ADAMTSL1: variants seen among roughly 807,000 people sequenced by gnomAD.
ADAMTSL1 encodes ADAMTS-like protein 1.
In ADAMTSL1, 126 loss-of-function variants were observed where a neutral mutation model predicts 201.8. That is an observed-to-expected ratio of 0.62 (90% CI 0.54 to 0.72). The LOEUF is 0.72. Among genes scored for constraint, ADAMTSL1 ranks in the 30% least tolerant of loss-of-function variants. ADAMTSL1 has a pLI of 0.00. For missense variants in ADAMTSL1, 2,679 were observed against 2,277.8 expected, an observed-to-expected ratio of 1.18 and a Z score of -3.59; for synonymous variants, 1,121 against 903.4, an observed-to-expected ratio of 1.24 and a Z score of -4.32.
chr9:17,964,529 G>A (rs1029650063), intron 1 of ADAMTSL1, among the ~76,000 whole-genome samples: 3 of 151,364 alleles, frequency 2.0e-5, no homozygotes, highest in Admixed American at 6.6e-5. Context: ...CAGTAGTGGC[G>A]AATACATGAA....
At chr9:18,272,226 C>G (rs1216057943) in intron 2 of ADAMTSL1, among the ~76,000 whole-genome samples, 1 of 152,060 alleles carries the variant, frequency 6.6e-6, no homozygotes, top group African/African-American at 2.4e-5. Context: ...GCTACAGTAA[C>G]CAAAACAGCA....
intron 2 of ADAMTSL1, among the ~76,000 whole-genome samples, chr9:18,202,451 G>A (rs939622416): frequency 6.6e-6 from 1 of 152,180 alleles, no homozygotes; most frequent in East Asian, 1.9e-4. Context: ...TACAAATGAT[G>A]ATCCCAGAAA....
chr9:17,994,682 C>T (rs1563939186), intron 1 of ADAMTSL1, among the ~76,000 whole-genome samples: 1 of 152,160 alleles, frequency 6.6e-6, no homozygotes, highest in East Asian at 1.9e-4. Context: ...TGAATGCTGT[C>T]AGGTCAGTGG....
At chr9:18,771,500 A>G (rs72690537) in intron 17 of ADAMTSL1, among the ~76,000 whole-genome samples, 12,532 of 152,100 alleles carry the variant, frequency 0.082, 706 homozygotes, top group South Asian at 0.15. Flanking sequence ...TTCAGCCACT[A>G]CCACTTCGAG....
Position 18,711,295 on chromosome 9 carries a change from C to T in ADAMTSL1, c.1876+4247C>T, listed in dbSNP as rs538653495. On this transcript the variant is annotated intron_variant, in intron 14 of 28. Coordinates refer to ENST00000380548, the MANE Select transcript of ADAMTSL1 (RefSeq NM_001040272.6). ...GATCTACAGCTCCCAGCGTGAGCTA[C>T]GCAGAAGACGGGTGATTTCTGCATT... Among the ~76,000 whole-genome samples, 23 of 152,328 alleles carry T rather than the reference C, an allele frequency of 1.5e-4. No homozygotes were observed. In the East Asian group the frequency reaches 2.7e-3, roughly 18 times the overall value.
chr9:18,706,570 G>T, intron 13 of ADAMTSL1, 177 bp from the exon 14 acceptor site: 1 of 616,820 alleles, frequency 1.6e-6, no homozygotes. Flanking sequence ...CAGAAACAGT[G>T]GCAAAATCGC....
intron 1 of ADAMTSL1, among the ~76,000 whole-genome samples, chr9:18,142,542 T>G (rs1826447332): frequency 6.6e-6 from 1 of 152,130 alleles, no homozygotes; most frequent in Admixed American, 6.5e-5. Context: ...CTTGGAAAAG[T>G]ATTTGGAGAC....
chr9:18,897,247 G>A (rs1255760507), intron 26 of ADAMTSL1, among the ~76,000 whole-genome samples: 1 of 152,246 alleles, frequency 6.6e-6, no homozygotes, highest in African/African-American at 2.4e-5. Context: ...CCCGGGGGAA[G>A]GGGCAGTGAG....
At chr9:18,152,514 A>G (rs940466374) in intron 1 of ADAMTSL1, among the ~76,000 whole-genome samples, 3 of 152,018 alleles carry the variant, frequency 2.0e-5, no homozygotes, top group African/African-American at 7.2e-5. Flanking sequence ...ATGCCCATTG[A>G]CAGAGTCCTG....
chr9:17,929,142 T>A (rs1381684086), intron 1 of ADAMTSL1, among the ~76,000 whole-genome samples: 2 of 152,132 alleles, frequency 1.3e-5, no homozygotes, highest in African/African-American at 4.8e-5. Flanking sequence ...ATAAAAACTT[T>A]TAAAACACAA....
At chr9:18,171,704 T>G (rs1329744902) in intron 2 of ADAMTSL1, among the ~76,000 whole-genome samples, 4 of 152,176 alleles carry the variant, frequency 2.6e-5, no homozygotes, top group Admixed American at 1.3e-4. Flanking sequence ...TTTGTCTATT[T>G]TGGCTTTTGT....
intron 2 of ADAMTSL1, among the ~76,000 whole-genome samples, chr9:18,233,449 G>A (rs1422474694): frequency 2.6e-5 from 4 of 152,062 alleles, no homozygotes; most frequent in Non-Finnish European, 5.9e-5. Flanking sequence ...CATGCTTATG[G>A]TGCATTTCAC....
In ADAMTSL1 at chr9:18,777,841, C is replaced by T. The variant is rs757091468; in HGVS notation, c.3612C>T (p.Ala1204=). The change falls in exon 19 of 29, where the codon GCC becomes GCT. Residue 1204 remains alanine, a synonymous_variant. Coordinates refer to ENST00000380548, the MANE Select transcript of ADAMTSL1 (RefSeq NM_001040272.6). ...TGAGTGTTCTTCTGCACTGTGAGGC[C>T]ATCGGCCACCCAAGGCCTACCATCA... ...GTLSVLLHCE[A]IGHPRPTISW... 1.7e-5 allele frequency: 28 copies of T among 1,602,806 alleles called. No individual in the cohort carries two copies. The highest frequency in any genetic ancestry group is 1.5e-5 in the Non-Finnish European group (17 of 1,171,974).
intron 22 of ADAMTSL1, among the ~76,000 whole-genome samples, chr9:18,828,660 T>TATATA (rs1554643932): frequency 3.5e-4 from 10 of 28,532 alleles, no homozygotes; most frequent in Non-Finnish European, 5.9e-4. Context: ...GAAAGTATAT[T>TATATA]TATATATATA....
chr9:18,419,980 G>A (rs1490629336), intron 2 of ADAMTSL1, among the ~76,000 whole-genome samples: 7 of 151,938 alleles, frequency 4.6e-5, no homozygotes, highest in East Asian at 3.9e-4. Flanking sequence ...CACCCGCCTC[G>A]GCCTTCCAAA....
chr9:18,219,044 T>C (rs1286127115), intron 2 of ADAMTSL1, among the ~76,000 whole-genome samples: 5 of 152,004 alleles, frequency 3.3e-5, no homozygotes, highest in East Asian at 1.9e-4. Context: ...CATAAATATG[T>C]ATGAATATAT....
At chr9:18,113,881 A>G (rs911326283) in intron 1 of ADAMTSL1, among the ~76,000 whole-genome samples, 4 of 152,166 alleles carry the variant, frequency 2.6e-5, no homozygotes, top group African/African-American at 9.7e-5. Flanking sequence ...GTAGATGAGG[A>G]AACTGAGGCA....
chr9:18,591,795 A>G (rs1823932046), intron 4 of ADAMTSL1, among the ~76,000 whole-genome samples: 1 of 151,098 alleles, frequency 6.6e-6, no homozygotes, highest in African/African-American at 2.5e-5. Flanking sequence ...TAGCATAAAA[A>G]TTCATGCTTC....
At chr9:18,551,205 G>C (rs572157656) in intron 3 of ADAMTSL1, among the ~76,000 whole-genome samples, 1 of 151,820 alleles carries the variant, frequency 6.6e-6, no homozygotes, top group Admixed American at 6.6e-5. Context: ...ATCCTTGCCA[G>C]TGCTTGATAT....
Sources: allele counts gnomAD v4.1 joint callset (sites outside exome capture counted in the v4.1 genomes callset), GRCh38; gene constraint gnomAD v4.1.1; transcripts MANE v1.5; gene names NCBI Gene and HGNC (gene_info 2026-07-23, HGNC 2026-07-21).